The following BCS1L variants were observed in gnomAD, a reference collection of about 807,000 sequenced individuals.
The protein encoded by BCS1L is mitochondrial chaperone BCS1.
Under a neutral mutation model 49.3 loss-of-function variants are expected in BCS1L, and 38 were observed. That is an observed-to-expected ratio of 0.77 (90% CI 0.59 to 1.01). The LOEUF (loss-of-function observed/expected upper bound fraction) is 1.01. Among genes scored for constraint, BCS1L ranks in the 50% least tolerant of loss-of-function variants. The probability of loss-of-function intolerance (pLI) is 0.00; values close to 1 mark genes in which losing one functional copy is unlikely to be tolerated. For synonymous variants in BCS1L, 193 were observed against 210.1 expected, an observed-to-expected ratio of 0.92 and a Z score of 0.70; for missense variants, 394 against 540.2, an observed-to-expected ratio of 0.73 and a Z score of 2.68.
rs773985771 is a variant in BCS1L, at chr2:218,661,111, G to A, written c.124G>A (p.Ala42Thr). Residue 42 changes from alanine (A) to threonine (T), a missense_variant, in exon 2 of 8, where the codon GCA (alanine) becomes ACA (threonine). Transcript: ENST00000359273. The surrounding 1 kb of genome is among the most constrained non-coding windows in gnomAD (Gnocchi z 5.9). ...GAAGGGTGTCCAACTGGGCCTGGTG[G>A]CATTCCGGCGCCATTACATGATCAC... is the stretch of plus-strand genomic sequence containing the variant. ...ARKGVQLGLV[A>T]FRRHYMITLE... The A allele has an allele frequency of 1.9e-6, 3 of 1,614,214 alleles. No individual in the cohort carries two copies. In the Admixed American group the frequency reaches 5.0e-5, roughly 27 times the overall value.
Position 218,661,144 on chromosome 2 carries a change from G to A in BCS1L, c.157G>A (p.Val53Ile). ...GCGCCATTACATGATCACACTGGAA[G>A]TCCCTGCTCGAGACAGGAGCTATGC... ...FRRHYMITLE[V>I]PARDRSYAWL... Residue 53 changes from valine (V) to isoleucine (I), a missense_variant, in exon 2 of 8, where the codon GTC becomes ATC. Coordinates refer to ENST00000359273, the MANE Select transcript of BCS1L (RefSeq NM_001079866.2). This position sits in a 1 kb window ranked among gnomAD's most constrained non-coding sequence, Gnocchi z 5.9. The A allele has an allele frequency of 6.2e-7, 1 of 1,614,216 alleles. No individual in the cohort carries two copies. The highest frequency in any genetic ancestry group is 8.5e-7 in the Non-Finnish European group (1 of 1,180,034).
rs780002216 is a variant in BCS1L, at chr2:218,661,733, G to T, written c.461-26G>T. On this transcript the variant is annotated intron_variant, in intron 3 of 7. Coordinates refer to ENST00000359273, the MANE Select transcript of BCS1L (RefSeq NM_001079866.2). The surrounding 1 kb of genome is among the most constrained non-coding windows in gnomAD (Gnocchi z 5.9). ...TCAGCCATGGTGAAGAGAATTATTG[G>T]CTTTATCTCATCTTCTCCTTCCCAG... is the stretch of plus-strand genomic sequence containing the variant. The T allele has an allele frequency of 6.2e-7, 1 of 1,606,456 alleles. No homozygotes were observed. Among genetic ancestry groups the T allele is most frequent in the Non-Finnish European group, 8.5e-7 (1 of 1,175,008 alleles).
chr2:218,661,078 C>G lies in BCS1L; in HGVS notation c.91C>G (p.Leu31Val). ...GGTGGGTGTGGGCACAGCCCTGGCCCTGGCCCGGAAGGGTGTCCAACTGGG... is the reference window on the plus strand; with the variant it reads ...GGTGGGTGTGGGCACAGCCCTGGCCGTGGCCCGGAAGGGTGTCCAACTGGG... ...GLVGVGTALA[L>V]ARKGVQLGLV... Residue 31 changes from leucine (L) to valine (V), a missense_variant, in exon 2 of 8, where the codon CTG becomes GTG. Leu to Val is a conservative substitution (Grantham distance 32, BLOSUM62 1). Transcript: ENST00000359273. The surrounding 1 kb of genome is among the most constrained non-coding windows in gnomAD (Gnocchi z 5.9). 6.2e-7 allele frequency: 1 copy of G among 1,614,206 alleles called. No individual in the cohort carries two copies. The highest frequency in any genetic ancestry group is 1.7e-5 in the Admixed American group (1 of 60,020).
Position 218,661,855 on chromosome 2 carries a change from G to A in BCS1L, c.557G>A (p.Arg186Gln), listed in dbSNP as rs748687855. 1.9e-6 allele frequency: 3 copies of A among 1,614,166 alleles called. No individual in the cohort carries two copies. Among genetic ancestry groups the A allele is most frequent in the East Asian group, 2.2e-5 (1 of 44,890 alleles). ...WRPFGYPRRR[R>Q]PLNSVVLQQG... is the part of the protein sequence containing the mutation. ...CCCTTTGGCTATCCACGCCGCCGGCGACCACTGAATTCTGTGGTTCTACAA... is the reference window on the plus strand; with the variant it reads ...CCCTTTGGCTATCCACGCCGCCGGCAACCACTGAATTCTGTGGTTCTACAA... The change falls in exon 4 of 8, where the codon CGA becomes CAA. Residue 186 changes from arginine to glutamine, a missense_variant. Arg to Gln is a conservative substitution (Grantham distance 43). Transcript: ENST00000359273. The surrounding 1 kb of genome is among the most constrained non-coding windows in gnomAD (Gnocchi z 5.9).
Position 218,663,239 on chromosome 2 carries a change from G to A in BCS1L, c.1113G>A (p.Gly371=), listed in dbSNP as rs770298779. Residue 371 remains glycine (G), a synonymous_variant, in exon 8 of 8, where the codon GGG becomes GGA. Coordinates refer to ENST00000359273, the MANE Select transcript of BCS1L (RefSeq NM_001079866.2). ...AGATGTTCCAGAGGTTCTATCCAGG[G>A]CAGGCACCTTCCTTAGCTGAGAACT... ...LTQMFQRFYP[G]QAPSLAENFA... The A allele has an allele frequency of 2.5e-6, 4 of 1,614,220 alleles. No homozygotes were observed. The highest frequency in any genetic ancestry group is 3.4e-6 in the Non-Finnish European group (4 of 1,180,038).
In BCS1L at chr2:218,662,103, C is replaced by G; in HGVS notation, c.656-94C>G. 1 of 1,503,186 alleles carries G rather than the reference C, an allele frequency of 6.7e-7. No individual in the cohort carries two copies. Among genetic ancestry groups the G allele is most frequent in the Non-Finnish European group, 9.3e-7 (1 of 1,079,690 alleles). The allele number at this position is 1,503,186 out of a possible 1,614,324, so 93.1% of individuals were successfully genotyped here. A position where few individuals can be genotyped will look rare whatever the true frequency, so the allele number is the denominator to read the frequency against. ...AGTTGTGTATGAGAATGATTTATTT[C>G]CGTACCAAGGTTATCAGGCTTCCAG... On this transcript the variant is annotated intron_variant, in intron 4 of 7. Transcript: ENST00000359273. The surrounding 1 kb of genome is among the most constrained non-coding windows in gnomAD (Gnocchi z 5.8).
At position 218,662,129 on chromosome 2, in the gene BCS1L, G is replaced by T; in HGVS notation, c.656-68G>T. The T allele has an allele frequency of 1.3e-6, 2 of 1,549,656 alleles. No homozygotes were observed. Among genetic ancestry groups the T allele is most frequent in the South Asian group, 2.2e-5 (2 of 89,790 alleles). ...CGTACCAAGGTTATCAGGCTTCCAGGGGGCAGGGCTGGGAATGAACGTAGA... is the reference window on the plus strand; with the variant it reads ...CGTACCAAGGTTATCAGGCTTCCAGTGGGCAGGGCTGGGAATGAACGTAGA... On this transcript the variant is annotated intron_variant, in intron 4 of 7. Transcript: ENST00000359273. This position sits in a 1 kb window ranked among gnomAD's most constrained non-coding sequence, Gnocchi z 5.8.
In BCS1L at chr2:218,662,449, GCTGGGCCTGA is replaced by G. The variant is rs1303384156; in HGVS notation, c.720-60_720-51del. ...ATGTCCCCAGGCGGTGAGGAGAGTA[GCTGGGCCTGA>G]GGAAGCATTTCCAGGTTGCCTGCTA... On this transcript the variant is annotated intron_variant, in intron 5 of 7. Coordinates refer to ENST00000359273, the MANE Select transcript of BCS1L (RefSeq NM_001079866.2). The surrounding 1 kb of genome is among the most constrained non-coding windows in gnomAD (Gnocchi z 5.8). The G allele has an allele frequency of 1.2e-6, 2 of 1,604,798 alleles. No homozygotes were observed. The highest frequency in any genetic ancestry group is 4.5e-5 in the East Asian group (2 of 44,850).
At position 218,661,009 on chromosome 2, in the gene BCS1L, C is replaced by G; in HGVS notation, c.22C>G (p.Leu8Val). 1 of 1,613,972 alleles carries G rather than the reference C, an allele frequency of 6.2e-7. No individual in the cohort carries two copies. Among genetic ancestry groups the G allele is most frequent in the Non-Finnish European group, 8.5e-7 (1 of 1,180,048 alleles). MPLSDFI[L>V]ALKDNPYFGA... The stretch of plus-strand genomic sequence containing the variant: ...CAAGATGCCACTTTCAGACTTTATT[C>G]TGGCTCTGAAGGACAATCCCTACTT... The change falls in exon 2 of 8, where the codon CTG becomes GTG. Residue 8 changes from leucine to valine, a missense_variant. By Grantham distance (32) the Leu-to-Val change is conservative. Transcript: ENST00000359273. The surrounding 1 kb of genome is among the most constrained non-coding windows in gnomAD (Gnocchi z 5.9).
Position 218,662,927 on chromosome 2 carries a change from C to A in BCS1L, c.934C>A (p.Leu312Met), listed in dbSNP as rs1008992738. Reference sequence around the variant, plus strand: ...CCTAGGTCGCCTCACCTTCAGTGGACTGCTCAATGCCTTGGATGGTGTGGC... The same window carrying A: ...CCTAGGTCGCCTCACCTTCAGTGGAATGCTCAATGCCTTGGATGGTGTGGC... ...QGLGRLTFSGLLNALDGVAST... is the reference protein window; with the variant it reads ...QGLGRLTFSGMLNALDGVAST... The change falls in exon 7 of 8, where the codon CTG becomes ATG. Residue 312 changes from leucine (L) to methionine (M), a missense_variant. Leu to Met is a conservative substitution (Grantham distance 15, BLOSUM62 2). Coordinates refer to ENST00000359273, the MANE Select transcript of BCS1L (RefSeq NM_001079866.2). This position sits in a 1 kb window ranked among gnomAD's most constrained non-coding sequence, Gnocchi z 5.8. 1 of 1,614,180 alleles carries A rather than the reference C, an allele frequency of 6.2e-7. No homozygotes were observed.
intron 1 of BCS1L, 154 bp from the exon 2 acceptor site, chr2:218,660,785 G>C (rs1939286206): frequency 1.7e-6 from 1 of 600,654 alleles, no homozygotes; most frequent in Admixed American, 2.9e-5. Flanking sequence ...ATGGGATGAG[G>C]GACCTGGAGC....
At chr2:218,660,732 C>A in intron 1 of BCS1L, 1 of 505,578 alleles carries the variant, frequency 2.0e-6, no homozygotes, top group Admixed American at 3.3e-5. Context: ...CAGACATGGT[C>A]CTCTGGTAGG....
Position 218,662,805 on chromosome 2 carries a change from T to C in BCS1L, c.890-78T>C, listed in dbSNP as rs948907642. ...AGAGCCCACAAGACACATGGATAAGTAGGGGAACATAGTGGGGCATGCTAA... is the reference window on the plus strand; with the variant it reads ...AGAGCCCACAAGACACATGGATAAGCAGGGGAACATAGTGGGGCATGCTAA... On this transcript the variant is annotated intron_variant, in intron 6 of 7. Coordinates refer to ENST00000359273, the MANE Select transcript of BCS1L (RefSeq NM_001079866.2). The surrounding 1 kb of genome is among the most constrained non-coding windows in gnomAD (Gnocchi z 5.8). 28 of 1,577,400 alleles carry C rather than the reference T, an allele frequency of 1.8e-5. No homozygotes were observed. Among genetic ancestry groups the C allele is most frequent in the Non-Finnish European group, 2.4e-5 (27 of 1,147,362 alleles).
In BCS1L at chr2:218,660,964, A is replaced by C. The variant is rs1279016082; in HGVS notation, c.-24A>C. On this transcript the variant is annotated 5_prime_UTR_variant, in exon 2 of 8. Transcript: ENST00000359273. ...GTTTTCGTAACACCCCAGGGCCTGT[A>C]AGGTTTGGTGTTTCCCTTTCAAGAT... The C allele has an allele frequency of 1.2e-6, 2 of 1,612,440 alleles. No individual in the cohort carries two copies. The highest frequency in any genetic ancestry group is 1.7e-6 in the Non-Finnish European group (2 of 1,179,618).
chr2:218,659,293 G>C (rs764316987), upstream of BCS1L: 2 of 152,772 alleles, frequency 1.3e-5, no homozygotes, highest in Non-Finnish European at 2.9e-5. This position sits in a 1 kb window ranked among gnomAD's most constrained non-coding sequence, Gnocchi z 4.4. Flanking sequence ...CCTGATCCCG[G>C]GGCTCGAAAA....
chr2:218,663,386 A>T lies in BCS1L; in HGVS notation c.1260A>T (p.Ter420CysextTer14). ...ACAATGCTGAGTCTCTGAGGAGGTG[A>T]TCAGGCTGGGCTCAGCTCAGCTCTC... ...AIHNAESLRR* is the reference protein window; with the variant it reads ...AIHNAESLRRC The change falls in exon 8 of 8, where the codon TGA (stop) becomes TGT (cysteine). Residue 420 changes from the stop codon to cysteine, a stop_lost. Coordinates refer to ENST00000359273, the MANE Select transcript of BCS1L (RefSeq NM_001079866.2). 6.2e-7 allele frequency: 1 copy of T among 1,614,050 alleles called. No homozygotes were observed. Among genetic ancestry groups the T allele is most frequent in the Non-Finnish European group, 8.5e-7 (1 of 1,180,018 alleles).
chr2:218,662,980 GACCACCA>G lies in BCS1L; in HGVS notation c.993_999del (p.Asn332LeufsTer8), dbSNP rs1939647579. 3 of 1,613,878 alleles carry G rather than the reference GACCACCA, an allele frequency of 1.9e-6. No homozygotes were observed. Among genetic ancestry groups the G allele is most frequent in the Non-Finnish European group, 2.5e-6 (3 of 1,179,976 alleles). On this transcript the variant is annotated frameshift_variant, in exon 7 of 8. Transcript: ENST00000359273. LOFTEE classifies it high-confidence loss of function. The surrounding 1 kb of genome is among the most constrained non-coding windows in gnomAD (Gnocchi z 5.8). ...CCACCGAGGCCCGCATCGTGTTCAT[GACCACCA>G]ACCACGTTGACAGGTAGGAAGGAGC...
Position 218,661,035 on chromosome 2 carries a change from T to C in BCS1L, c.48T>C (p.Phe16=), listed in dbSNP as rs1158890884. The part of the protein sequence containing the change: ...FILALKDNPY[F]GAGFGLVGVG... ...TGGCTCTGAAGGACAATCCCTACTT[T>C]GGGGCTGGATTTGGGCTGGTGGGTG... Residue 16 remains phenylalanine, a synonymous_variant, in exon 2 of 8, where the codon TTT becomes TTC. Coordinates refer to ENST00000359273, the MANE Select transcript of BCS1L (RefSeq NM_001079866.2). The surrounding 1 kb of genome is among the most constrained non-coding windows in gnomAD (Gnocchi z 5.9). The C allele has an allele frequency of 6.2e-7, 1 of 1,614,160 alleles. No homozygotes were observed. Among genetic ancestry groups the C allele is most frequent in the South Asian group, 1.1e-5 (1 of 91,086 alleles).
At position 218,661,410 on chromosome 2, in the gene BCS1L, CG is replaced by C; in HGVS notation, c.330del (p.Lys111AsnfsTer5). 6.2e-7 allele frequency: 1 copy of C among 1,614,098 alleles called. No homozygotes were observed. The highest frequency in any genetic ancestry group is 8.5e-7 in the Non-Finnish European group (1 of 1,180,022). ...GTTTTGATCGTTCTTATTCAGGTATCGGGGGAAATGGATTCGGGTAGAACGA... is the reference window on the plus strand; with the variant it reads ...GTTTTGATCGTTCTTATTCAGGTATCGGGGAAATGGATTCGGGTAGAACGA... Reference protein sequence around the residue: ...PSPGNHFIWYRGKWIRVERSR... With the variant: ...PSPGNHFIWYXGKWIRVERSR... On this transcript the variant is annotated frameshift_variant, in exon 3 of 8. Coordinates refer to ENST00000359273, the MANE Select transcript of BCS1L (RefSeq NM_001079866.2). LOFTEE classifies it high-confidence loss of function. The surrounding 1 kb of genome is among the most constrained non-coding windows in gnomAD (Gnocchi z 5.9).
Sources: allele counts gnomAD v4.1 joint callset, GRCh38; gene constraint gnomAD v4.1.1; non-coding constraint Gnocchi (gnomAD v3.1); transcripts MANE v1.5; gene names NCBI Gene and HGNC (gene_info 2026-07-23, HGNC 2026-07-21).